CAMTA1: variants seen among roughly 807,000 people sequenced by gnomAD.
The protein encoded by CAMTA1 is calmodulin-binding transcription activator 1.
In CAMTA1, 27 loss-of-function variants were observed where a neutral mutation model predicts 170.9. The observed-to-expected ratio is 0.16, with a 90% CI of 0.12 to 0.22. CAMTA1 has a LOEUF of 0.22. CAMTA1 is among the 10% of genes least tolerant of loss of function. The pLI, the probability that CAMTA1 is intolerant of heterozygous loss-of-function variation, is 1.00. For missense variants in CAMTA1, 1,619 were observed against 2,217.2 expected (o/e 0.73, Z 5.42); for synonymous variants, 833 against 891.5 (o/e 0.93, Z 1.17).
At chr1:7,057,630 C>T (rs180833295) in intron 3 of CAMTA1, among the ~76,000 whole-genome samples, 1 of 152,298 alleles carries the variant, frequency 6.6e-6, no homozygotes, top group East Asian at 1.9e-4. Context: ...CTGGAGGCAT[C>T]CAGGTGAAGT....
At chr1:7,045,293 G>A (rs1165689329) in intron 3 of CAMTA1, among the ~76,000 whole-genome samples, 1 of 152,178 alleles carries the variant, frequency 6.6e-6, no homozygotes, top group African/African-American at 2.4e-5. Context: ...CTCCAGGGAT[G>A]AGACCAACCT....
In CAMTA1 at chr1:7,452,452, A is replaced by G. The variant is rs2149467637; in HGVS notation, c.439-15378A>G. ...AGTACATTTACAGTGTTGTACCGTC[A>G]TCACCACTATCTTGTTCCAAAACAC... On this transcript the variant is annotated intron_variant, in intron 5 of 22. Coordinates refer to ENST00000303635, the MANE Select transcript of CAMTA1 (RefSeq NM_015215.4). Among the ~76,000 whole-genome samples the G allele has an allele frequency of 1.3e-5, 2 of 152,364 alleles. 1 individual carries two copies. Among genetic ancestry groups the G allele is most frequent in the South Asian group, 4.1e-4 (2 of 4,828 alleles).
intron 6 of CAMTA1, among the ~76,000 whole-genome samples, chr1:7,589,123 A>G (rs1207005502): frequency 6.6e-6 from 1 of 152,136 alleles, no homozygotes; most frequent in African/African-American, 2.4e-5. Flanking sequence ...CCCCTTCTGG[A>G]GAAAGACGCT....
intron 3 of CAMTA1, among the ~76,000 whole-genome samples, chr1:6,857,898 A>G (rs1012909475): frequency 6.6e-6 from 1 of 152,174 alleles, no homozygotes; most frequent in Non-Finnish European, 1.5e-5. Flanking sequence ...ATGTAATTTT[A>G]TGTTGTGGGT....
intron 3 of CAMTA1, among the ~76,000 whole-genome samples, chr1:6,850,920 T>A (rs1203239638): frequency 6.6e-6 from 1 of 152,168 alleles, no homozygotes; most frequent in African/African-American, 2.4e-5. Context: ...GAAGTCCAGC[T>A]CCAGACCCTC....
intron 5 of CAMTA1, among the ~76,000 whole-genome samples, chr1:7,365,619 C>T (rs1290179974): frequency 6.6e-6 from 1 of 152,204 alleles, no homozygotes; most frequent in African/African-American, 2.4e-5. Flanking sequence ...CTCCTGGACC[C>T]CCTTCTTGGA....
intron 5 of CAMTA1, among the ~76,000 whole-genome samples, chr1:7,432,558 C>T (rs2149366859): frequency 6.6e-6 from 1 of 152,294 alleles, no homozygotes; most frequent in South Asian, 2.1e-4. Flanking sequence ...GAGGAAGCAT[C>T]CTGGTGGGGT....
Position 7,766,517 on chromosome 1 carries a change from A to G in CAMTA1, c.*26A>G, listed in dbSNP as rs1462333671. On this transcript the variant is annotated 3_prime_UTR_variant, in exon 23 of 23. Transcript: ENST00000303635. ...AGACATACAGCAGCATCCCTTAGCA[A>G]TGTGACATTGCTTTTCAGACTGTTT... 2.5e-6 allele frequency: 4 copies of G among 1,610,328 alleles called. No homozygotes were observed. The highest frequency in any genetic ancestry group is 2.7e-5 in the African/African-American group (2 of 74,846).
At position 7,592,724 on chromosome 1, in the gene CAMTA1, A is replaced by T. The variant is rs1228742486; in HGVS notation, c.511-47676A>T. On this transcript the variant is annotated intron_variant, in intron 6 of 22. Transcript: ENST00000303635. This position sits in a 1 kb window ranked among gnomAD's most constrained non-coding sequence, Gnocchi z 4.6. The stretch of plus-strand genomic sequence containing the variant: ...TGAACATAGGACACACAGTGTCCTC[A>T]TGGAGTCAACCAGCATCTCCTGCAT... Among the ~76,000 whole-genome samples, 1 of 152,142 alleles carries T rather than the reference A, an allele frequency of 6.6e-6. No homozygotes were observed. Among genetic ancestry groups the T allele is most frequent in the African/African-American group, 2.4e-5 (1 of 41,434 alleles).
At chr1:7,413,023 C>T (rs1415029661) in intron 5 of CAMTA1, among the ~76,000 whole-genome samples, 1 of 146,556 alleles carries the variant, frequency 6.8e-6, no homozygotes, top group African/African-American at 2.5e-5. Context: ...ATCCTTTCCC[C>T]ATTGCTTGTT....
At chr1:7,025,184 A>G (rs116328795) in intron 3 of CAMTA1, among the ~76,000 whole-genome samples, 8 of 152,340 alleles carry the variant, frequency 5.3e-5, no homozygotes, top group African/African-American at 1.9e-4. Context: ...GCTCTTGCCC[A>G]TTAATCAGCG....
At chr1:6,832,076 CTTATTTTTTT>C (rs1227725881) in intron 3 of CAMTA1, among the ~76,000 whole-genome samples, 12 of 151,556 alleles carry the variant, frequency 7.9e-5, no homozygotes, top group African/African-American at 1.7e-4. Flanking sequence ...ATCAAGCCAC[CTTATTTTTTT>C]TTATTTTTTT....
At chr1:7,071,431 C>T (rs1638631800) in intron 3 of CAMTA1, among the ~76,000 whole-genome samples, 2 of 152,192 alleles carry the variant, frequency 1.3e-5, no homozygotes, top group South Asian at 4.2e-4. Flanking sequence ...TATCATGAAA[C>T]TTTTATTGTG....
chr1:7,539,713 A>G (rs900141744), intron 6 of CAMTA1, among the ~76,000 whole-genome samples: 4 of 152,192 alleles, frequency 2.6e-5, no homozygotes, highest in African/African-American at 7.2e-5. Context: ...GAGTCTGCCC[A>G]CCTCCAAGAT....
intron 6 of CAMTA1, among the ~76,000 whole-genome samples, chr1:7,616,561 G>C (rs2095560277): frequency 6.6e-6 from 1 of 152,240 alleles, no homozygotes; most frequent in African/African-American, 2.4e-5. Flanking sequence ...AGGAAGCCGG[G>C]CCTCGGGGGT....
chr1:7,582,784 G>A (rs2150407308), intron 6 of CAMTA1, among the ~76,000 whole-genome samples: 1 of 152,124 alleles, frequency 6.6e-6, no homozygotes, highest in Middle Eastern at 3.4e-3. Flanking sequence ...TGCAGAGGGA[G>A]CTGGGAAGTG....
Position 7,685,042 on chromosome 1 carries a change from A to T in CAMTA1, c.2914+7309A>T, listed in dbSNP as rs112931150. On this transcript the variant is annotated intron_variant, in intron 11 of 22. Coordinates refer to ENST00000303635, the MANE Select transcript of CAMTA1 (RefSeq NM_015215.4). The surrounding 1 kb of genome is among the most constrained non-coding windows in gnomAD (Gnocchi z 5.7). ...GCACCGTCCCGCGGTCACAGGTGGC[A>T]TGTTTTGAGGAGTTCGCAGGCACCG... 4.7e-5 allele frequency among the ~76,000 whole-genome samples: 7 copies of T among 148,798 alleles called. No individual in the cohort carries two copies. Among genetic ancestry groups the T allele is most frequent in the African/African-American group, 1.7e-4 (7 of 40,134 alleles).
chr1:7,305,982 A>C (rs1412526739), intron 5 of CAMTA1, among the ~76,000 whole-genome samples: 1 of 151,844 alleles, frequency 6.6e-6, no homozygotes, highest in Non-Finnish European at 1.5e-5. Flanking sequence ...TATCTGTCCA[A>C]ATTTTTGTCC....
chr1:7,143,570 A>AAT (rs1272458394), intron 4 of CAMTA1, among the ~76,000 whole-genome samples: 3 of 152,154 alleles, frequency 2.0e-5, no homozygotes, highest in Non-Finnish European at 2.9e-5. Flanking sequence ...AGCTCCTTCC[A>AAT]ATACCTTCCA....
Sources: gnomAD v4.1 joint callset for allele counts (sites outside exome capture counted in the v4.1 genomes callset) on GRCh38, gnomAD v4.1.1 for gene constraint, Gnocchi (gnomAD v3.1) non-coding constraint, MANE v1.5 for transcripts, NCBI Gene and HGNC (gene_info 2026-07-23, HGNC 2026-07-21) for gene names.